The following KNL1 variants were observed in gnomAD, a reference collection of about 807,000 sequenced individuals.
The protein encoded by KNL1 is kinetochore scaffold 1.
In KNL1, 66 loss-of-function variants were observed where a neutral mutation model predicts 201.3. The ratio of observed to expected loss-of-function variants is 0.33; its 90% confidence interval spans 0.27 to 0.40. KNL1 has a LOEUF of 0.40. Among genes scored for constraint, KNL1 ranks in the 10% least tolerant of loss-of-function variants. KNL1 has a pLI of 1.00. For missense variants in KNL1, 2,815 were observed against 2,690.5 expected, an observed-to-expected ratio of 1.05 and a Z score of -1.02; for synonymous variants, 895 against 899.2, an observed-to-expected ratio of 1.00 and a Z score of 0.08.
In KNL1 at chr15:40,628,126, A is replaced by T. The variant is rs200029926; in HGVS notation, c.5433A>T (p.Ile1811=). 2.3e-4 allele frequency: 365 copies of T among 1,613,048 alleles called. 6 individuals are homozygous for T. In the East Asian group the frequency reaches 7.8e-3, roughly 34 times the overall value. Residue 1811 remains isoleucine, a synonymous_variant, in exon 11 of 26, where the codon ATA becomes ATT. Coordinates refer to ENST00000399668, the MANE Select transcript of KNL1 (RefSeq NM_144508.5). ...ATAAAAGTGCTAACAGTGTATTGAT[A>T]AAAAACCTGAGCAGGACCCCATCTA... is the stretch of plus-strand genomic sequence containing the variant. The part of the protein sequence containing the change: ...DIDKSANSVL[I]KNLSRTPSSC...
chr15:40,659,247 G>A, intron 24 of KNL1, 92 bp from the exon 25 acceptor site: 5 of 1,177,904 alleles, frequency 4.2e-6, no homozygotes, highest in Non-Finnish European at 5.9e-6. Context: ...CTGGGCGATA[G>A]AGCAAGACTC....
intron 13 of KNL1, among the ~76,000 whole-genome samples, chr15:40,637,668 A>T (rs139068470): frequency 9.2e-5 from 14 of 152,184 alleles, no homozygotes; most frequent in Non-Finnish European, 1.8e-4. Context: ...GATAGTCCAC[A>T]TGGGTGGCCA....
rs373101029 is a variant in KNL1 at position 40,659,363 on chromosome 15, C to G, written c.6738C>G (p.Ser2246=). The G allele has an allele frequency of 1.1e-4, 174 of 1,612,820 alleles. No homozygotes were observed. Among genetic ancestry groups the G allele is most frequent in the Non-Finnish European group, 1.4e-4 (164 of 1,178,982 alleles). ...NNELRLLFSS[S]AAFAKFEITL... ...GATTGAGACTTTTATTCTCTAGCTC[C>G]GCAGCATTTGCAAAGTTTGAAATAA... The change falls in exon 25 of 26, where the codon TCC becomes TCG. Residue 2246 remains serine, a synonymous_variant. Transcript: ENST00000399668.
chr15:40,659,657 T>C (rs1019634123), intron 25 of KNL1, among the ~76,000 whole-genome samples, 196 bp downstream of exon 25: 1 of 151,548 alleles, frequency 6.6e-6, no homozygotes, highest in African/African-American at 2.4e-5. Flanking sequence ...CGCACCCGGC[T>C]AATTTTTTGT....
At chr15:40,652,437 C>A (rs1484242344) in intron 21 of KNL1, among the ~76,000 whole-genome samples, 1 of 149,976 alleles carries the variant, frequency 6.7e-6, no homozygotes, top group African/African-American at 2.5e-5. Context: ...AGAGAATTTA[C>A]CCTAATGGCT....
intron 10 of KNL1, among the ~76,000 whole-genome samples, chr15:40,627,218 G>C (rs922867228): frequency 2.0e-5 from 3 of 152,158 alleles, no homozygotes; most frequent in Non-Finnish European, 4.4e-5. Context: ...TTACATAAAA[G>C]AATATATTGT....
At chr15:40,629,847 A>C (rs896951548) in intron 13 of KNL1, among the ~76,000 whole-genome samples, 1 of 151,950 alleles carries the variant, frequency 6.6e-6, no homozygotes, top group African/African-American at 2.4e-5. Flanking sequence ...ATAAACAAAA[A>C]CCAAAAATTT....
intron 21 of KNL1, among the ~76,000 whole-genome samples, chr15:40,653,785 T>G (rs970622918): frequency 6.6e-6 from 1 of 152,188 alleles, no homozygotes; most frequent in Admixed American, 6.5e-5. Flanking sequence ...CTTCTTTTAT[T>G]TCCTTAAATG....
Position 40,657,424 on chromosome 15 carries a change from A to G in KNL1, c.6664A>G (p.Arg2222Gly), listed in dbSNP as rs773364956. 1 of 1,599,154 alleles carries G rather than the reference A, an allele frequency of 6.3e-7. No individual in the cohort carries two copies. The highest frequency in any genetic ancestry group is 1.1e-5 in the South Asian group (1 of 90,776). The change falls in exon 24 of 26, where the codon AGA (arginine) becomes GGA (glycine). Residue 2222 changes from arginine (R) to glycine (G), a missense_variant. This residue lies in a region of KNL1 where 334 missense variants were observed against 362.6 expected (regional missense o/e 0.92). Coordinates refer to ENST00000399668, the MANE Select transcript of KNL1 (RefSeq NM_144508.5). ...LLGEEIEYLK[R>G]WGPNYNLMNI... is the part of the protein sequence containing the mutation. ...TGGAGAGGAGATTGAGTATTTAAAG[A>G]GATGGGGACCAAATTATAACCTAAT...
intron 13 of KNL1, among the ~76,000 whole-genome samples, chr15:40,635,599 C>G (rs944714962): frequency 1.4e-4 from 21 of 152,118 alleles, no homozygotes; most frequent in African/African-American, 4.6e-4. Flanking sequence ...GATGATCCGC[C>G]CGCCTCAGCT....
rs750377219 is a variant in KNL1 at position 40,623,573 on chromosome 15, G to A, written c.3309G>A (p.Glu1103=). The A allele has an allele frequency of 1.3e-5, 21 of 1,613,644 alleles. No individual in the cohort carries two copies. The highest frequency in any genetic ancestry group is 1.7e-5 in the Non-Finnish European group (20 of 1,179,902). ...AAATAGATAACGAAAGTGCCCTGGA[G>A]GATAAAGAGGACTTCCATTTGGCAG... The part of the protein sequence containing the change: ...MVEIDNESAL[E]DKEDFHLAGA... Residue 1103 remains glutamate, a synonymous_variant, in exon 10 of 26, where the codon GAG becomes GAA. Transcript: ENST00000399668.
chr15:40,642,316 G>A lies in KNL1; in HGVS notation c.5798+1289G>A, dbSNP rs146320318. Among the ~76,000 whole-genome samples, 483 of 151,738 alleles carry A rather than the reference G, an allele frequency of 3.2e-3. 2 individuals are homozygous for A. The highest frequency in any genetic ancestry group is 0.011 in the African/African-American group (462 of 41,362). ...CGGGAGGCTGAGGCGGGAGAATGGCGCGAACCCAGGAGGTGGAGCTTGCAG... is the reference window on the plus strand; with the variant it reads ...CGGGAGGCTGAGGCGGGAGAATGGCACGAACCCAGGAGGTGGAGCTTGCAG... On this transcript the variant is annotated intron_variant, in intron 14 of 25. Coordinates refer to ENST00000399668, the MANE Select transcript of KNL1 (RefSeq NM_144508.5).
intron 5 of KNL1, among the ~76,000 whole-genome samples, chr15:40,609,109 T>C (rs1892072073): frequency 6.6e-6 from 1 of 152,028 alleles, no homozygotes; most frequent in South Asian, 2.1e-4. Flanking sequence ...CCAACTGTTA[T>C]TTGACATTGT....
intron 5 of KNL1, among the ~76,000 whole-genome samples, chr15:40,610,025 C>T (rs1262413682): frequency 6.6e-6 from 1 of 151,988 alleles, no homozygotes; most frequent in Admixed American, 6.6e-5. Context: ...GGCAACAAAG[C>T]GAGACCCTGT....
intron 1 of KNL1, among the ~76,000 whole-genome samples, chr15:40,602,513 T>C (rs1595913148): frequency 8.0e-6 from 1 of 125,118 alleles, no homozygotes; most frequent in East Asian, 2.4e-4. Context: ...GGAGACAGAG[T>C]TTTGCTCTTG....
At chr15:40,649,591 G>A (rs916808604) in intron 17 of KNL1, among the ~76,000 whole-genome samples, 2 of 147,344 alleles carry the variant, frequency 1.4e-5, no homozygotes, top group Non-Finnish European at 3.0e-5. Flanking sequence ...CACTACGCCT[G>A]CCTTTTTCTT....
chr15:40,654,805 C>A, intron 21 of KNL1, 104 bp from the exon 22 acceptor site: 1 of 754,106 alleles, frequency 1.3e-6, no homozygotes. Flanking sequence ...GGAGGCTGAG[C>A]TTGCAGTGGG....
chr15:40,644,889 G>C (rs1567019006), intron 14 of KNL1, 108 bp from the exon 15 acceptor site: 1 of 627,836 alleles, frequency 1.6e-6, no homozygotes, highest in East Asian at 2.9e-5. Context: ...CAAAGTACAG[G>C]TCTTTTTCCA....
chr15:40,625,650 GTC>G lies in KNL1; in HGVS notation c.5376+12_5376+13del, dbSNP rs1892727000. On this transcript the variant is annotated intron_variant, in intron 10 of 25. Coordinates refer to ENST00000399668, the MANE Select transcript of KNL1 (RefSeq NM_144508.5). ...GACACAAGATCGGGAGGTGAGCTCT[GTC>G]TTGAACCAAAGAATGTTCTTGAATT... 3.1e-6 allele frequency: 5 copies of G among 1,597,738 alleles called. No homozygotes were observed. Among genetic ancestry groups the G allele is most frequent in the Non-Finnish European group, 4.3e-6 (5 of 1,171,748 alleles).
Sources: gnomAD v4.1 joint callset for allele counts (sites outside exome capture counted in the v4.1 genomes callset) on GRCh38, gnomAD v4.1.1 for gene constraint, gnomAD v4.1.1 regional missense constraint, MANE v1.5 for transcripts, NCBI Gene and HGNC (gene_info 2026-07-23, HGNC 2026-07-21) for gene names.